Variants in SLC5A11 observed in about 807,000 individuals in gnomAD.
SLC5A11 encodes the protein sodium/myo-inositol cotransporter 2.
SLC5A11 carries 48 observed loss-of-function variants against 69.8 expected under a neutral mutation model. That is an observed-to-expected ratio of 0.69 (90% CI 0.55 to 0.87). The LOEUF is 0.87. Ranked by LOEUF, SLC5A11 falls within the 40% of genes least tolerant of loss-of-function variation. SLC5A11 has a pLI of 0.00. For synonymous variants in SLC5A11, 319 were observed against 342.4 expected, an observed-to-expected ratio of 0.93 and a Z score of 0.75; for missense variants, 784 against 866.1, an observed-to-expected ratio of 0.91 and a Z score of 1.19.
chr16:24,888,645 AGCTTATTTTTGTATTT>A (rs1244058434), intron 8 of SLC5A11, among the ~76,000 whole-genome samples: 1 of 149,790 alleles, frequency 6.7e-6, no homozygotes, highest in Non-Finnish European at 1.5e-5. Flanking sequence ...CACCACATCC[AGCTTATTTTTGTATTT>A]TTAGTAGAGA....
At chr16:24,905,119 A>G (rs2049921129) in intron 10 of SLC5A11, among the ~76,000 whole-genome samples, 1 of 151,974 alleles carries the variant, frequency 6.6e-6, no homozygotes, top group South Asian at 2.1e-4. Context: ...CATATTTTTA[A>G]ATAAACTATA....
intron 10 of SLC5A11, among the ~76,000 whole-genome samples, chr16:24,901,958 GCA>G (rs56126191): frequency 2.5e-3 from 342 of 136,526 alleles, no homozygotes; most frequent in Middle Eastern, 0.011. Context: ...ACACACACAC[GCA>G]CACACACACA....
chr16:24,849,593 A>AAAAAAAAAAAAAATATATATATAT, intron 1 of SLC5A11, among the ~76,000 whole-genome samples: 7 of 35,906 alleles, frequency 1.9e-4, no homozygotes, highest in African/African-American at 4.6e-4. Context: ...AAAAAAAAAA[A>AAAAAAAAAAAAAATATATATATAT]ATATATATAT....
At chr16:24,862,706 T>G (rs763715824) in intron 3 of SLC5A11, 34 bp downstream of exon 4, 2 of 1,582,346 alleles carry the variant, frequency 1.3e-6, no homozygotes, top group South Asian at 2.2e-5. Flanking sequence ...AAGTCACTTC[T>G]TAAAGAATCT....
At chr16:24,898,108 A>G (rs376647196) in exon 10 of SLC5A11, 2 of 1,613,814 alleles carry the variant, frequency 1.2e-6, no homozygotes, top group African/African-American at 2.7e-5. Flanking sequence ...TCCTCTTCCC[A>G]GGTGAGAACA....
chr16:24,859,821 T>C (rs944823024), intron 2 of SLC5A11, among the ~76,000 whole-genome samples: 1 of 152,210 alleles, frequency 6.6e-6, no homozygotes, highest in Admixed American at 6.5e-5. Context: ...ATTTGGATTG[T>C]TTCCAATCTC....
intron 1 of SLC5A11, among the ~76,000 whole-genome samples, chr16:24,846,997 A>T (rs964892744): frequency 6.6e-6 from 1 of 152,218 alleles, no homozygotes; most frequent in Non-Finnish European, 1.5e-5. Flanking sequence ...TAATTCATGG[A>T]CAGAGTCTAA....
intron 1 of SLC5A11, among the ~76,000 whole-genome samples, chr16:24,858,135 T>C (rs1222979538): frequency 6.6e-6 from 1 of 152,236 alleles, no homozygotes; most frequent in African/African-American, 2.4e-5. Flanking sequence ...CAGGATATAG[T>C]AGATGCAATA....
exon 14 of SLC5A11, chr16:24,909,058 A>G: frequency 1.9e-6 from 3 of 1,613,932 alleles, no homozygotes; most frequent in Non-Finnish European, 2.5e-6. Flanking sequence ...CACTGTCTCC[A>G]CCGTGAGCTG....
Position 24,849,596 on chromosome 16 carries a change from ATAT to A in SLC5A11, c.-25+3159_-25+3161del, listed in dbSNP as rs1567553371. On this transcript the variant is annotated intron_variant, in intron 1 of 15. Coordinates refer to ENST00000347898, the Ensembl canonical transcript of SLC5A11. The stretch of plus-strand genomic sequence containing the variant: ...GCAAAAAAAAAAAAAAAAAAAAAAT[ATAT>A]ATATATATATATATATATATATATC... Among the ~76,000 whole-genome samples the A allele has an allele frequency of 5.5e-4, 45 of 81,348 alleles. 2 individuals carry two copies. The highest frequency in any genetic ancestry group is 1.7e-3 in the African/African-American group (31 of 18,144). 53.4% of individuals were successfully genotyped at this position (81,348 alleles called of 152,430 possible).
intron 6 of SLC5A11, among the ~76,000 whole-genome samples, chr16:24,875,932 C>T (rs116885494): frequency 5.3e-5 from 8 of 152,118 alleles, no homozygotes; most frequent in South Asian, 2.1e-4. Context: ...CAGTGGCTCA[C>T]GCCTGTAATC....
At chr16:24,888,798 TTTTTTTTTTTTTTTC>T (rs1270306706) in intron 8 of SLC5A11, among the ~76,000 whole-genome samples, 1 of 120,590 alleles carries the variant, frequency 8.3e-6, no homozygotes, top group Non-Finnish European at 1.7e-5. Flanking sequence ...TTTTTTTTTT[TTTTTTTTTTTTTTTC>T]TGAGACGGAG....
chr16:24,861,838 T>A (rs1227793855), intron 2 of SLC5A11: 1 of 152,060 alleles, frequency 6.6e-6, no homozygotes, highest in Non-Finnish European at 1.5e-5. Flanking sequence ...ATCACCAATG[T>A]GATAGTATTA....
At chr16:24,895,040 A>G (rs1163535861) in intron 9 of SLC5A11, among the ~76,000 whole-genome samples, 1 of 151,780 alleles carries the variant, frequency 6.6e-6, no homozygotes, top group Non-Finnish European at 1.5e-5. Flanking sequence ...TGGGAGGATC[A>G]CTTTAGCTCT....
intron 9 of SLC5A11, among the ~76,000 whole-genome samples, chr16:24,892,325 T>C (rs274084): frequency 0.22 from 33,888 of 151,588 alleles, 4,076 homozygotes; most frequent in South Asian, 0.42. Context: ...CTGTGATTTT[T>C]GGAGGAAGAG....
chr16:24,901,958 G>GCGCACACACACACACACACACACA (rs976595625), intron 10 of SLC5A11, among the ~76,000 whole-genome samples: 2 of 136,576 alleles, frequency 1.5e-5, no homozygotes, highest in African/African-American at 5.5e-5. Context: ...ACACACACAC[G>GCGCACACACACACACACACACACA]CACACACACA....
chr16:24,904,948 C>G (rs2049907057), intron 10 of SLC5A11, among the ~76,000 whole-genome samples: 1 of 151,766 alleles, frequency 6.6e-6, no homozygotes, highest in South Asian at 2.1e-4. Flanking sequence ...TTGCCCTCCA[C>G]CCCCCGACAG....
At chr16:24,877,193 C>A (rs1459454778) in intron 6 of SLC5A11, 65 bp from the exon 8 acceptor site, 1 of 1,593,164 alleles carries the variant, frequency 6.3e-7, no homozygotes, top group African/African-American at 1.3e-5. Flanking sequence ...GGAACCTGTG[C>A]TGCAAATGTC....
intron 3 of SLC5A11, among the ~76,000 whole-genome samples, chr16:24,863,830 G>C (rs535102759): frequency 6.6e-6 from 1 of 152,242 alleles, no homozygotes; most frequent in African/African-American, 2.4e-5. Context: ...GAAACCACCA[G>C]CCTAGAAGCA....
Sources: allele counts gnomAD v4.1 joint callset (sites outside exome capture counted in the v4.1 genomes callset), GRCh38; gene constraint gnomAD v4.1.1; transcripts MANE v1.5; gene names NCBI Gene and HGNC (gene_info 2026-07-23, HGNC 2026-07-21).